The following SPEGNB variants were observed in gnomAD, a reference collection of about 807,000 sequenced individuals.
SPEGNB encodes the protein SPEG neighbor protein.
Under a neutral mutation model 18.3 loss-of-function variants are expected in SPEGNB, and 12 were observed. That is an observed-to-expected ratio of 0.65 (90% CI 0.42 to 1.06). SPEGNB has a LOEUF of 1.06. Ranked by LOEUF, SPEGNB falls within the 50% of genes least tolerant of loss-of-function variation. SPEGNB has a pLI of 0.00. For synonymous variants in SPEGNB, 113 were observed against 138.8 expected, an observed-to-expected ratio of 0.81 and a Z score of 1.31; for missense variants, 273 against 329.3, an observed-to-expected ratio of 0.83 and a Z score of 1.32.
Position 219,497,830 on chromosome 2 carries a change from AAGGACGGGG to A in SPEGNB, c.553_561del (p.Gly185_Asp187del). 1 of 1,304,254 alleles carries A rather than the reference AAGGACGGGG, an allele frequency of 7.7e-7. No homozygotes were observed. The highest frequency in any genetic ancestry group is 5.6e-5 in the East Asian group (1 of 18,008). The allele number at this position is 1,304,254 out of a possible 1,614,324, so 80.8% of individuals were successfully genotyped here. On this transcript the variant is annotated inframe_deletion, in exon 4 of 5. Transcript: ENST00000651166. ...GCCTGCGCCCGACGTAGGCTGGACC[AAGGACGGGG>A]AGGACATCGAGGAGGATGACAGGCG...
At chr2:219,497,587 C>CT in intron 3 of SPEGNB, 133 bp from the exon 4 acceptor site, 1 of 1,095,050 alleles carries the variant, frequency 9.1e-7, no homozygotes, top group Non-Finnish European at 1.2e-6. Flanking sequence ...ACCAGAGAGG[C>CT]TAATGATTTG....
Position 219,496,354 on chromosome 2 carries a change from G to A in SPEGNB, c.1-1G>A, listed in dbSNP as rs1265210145. The A allele has an allele frequency of 8.0e-7, 1 of 1,255,710 alleles. No homozygotes were observed. Among genetic ancestry groups the A allele is most frequent in the East Asian group, 5.8e-5 (1 of 17,148 alleles). 77.8% of individuals were successfully genotyped at this position (1,255,710 alleles called of 1,614,324 possible). A position where few individuals can be genotyped will look rare whatever the true frequency, so the allele number is the denominator to read the frequency against. Reference sequence around the variant, plus strand: ...CCCCATATTTGTCGCCCACTCCCCAGATGTCTAAAGCAGCTCCTGCCAAAA... The same window carrying A: ...CCCCATATTTGTCGCCCACTCCCCAAATGTCTAAAGCAGCTCCTGCCAAAA... On this transcript the variant is annotated splice_acceptor_variant, in intron 1 of 4. Transcript: ENST00000651166. LOFTEE classifies it low-confidence loss of function (5UTR_SPLICE).
intron 2 of SPEGNB, 59 bp downstream of exon 2, chr2:219,496,541 G>A (rs1694228102): frequency 8.4e-7 from 1 of 1,188,604 alleles, no homozygotes; most frequent in African/African-American, 1.6e-5. Context: ...GCACTCTTGA[G>A]TAGGGTTTGA....
chr2:219,496,846 G>A lies in SPEGNB; in HGVS notation c.166G>A (p.Val56Met). 4.0e-6 allele frequency: 5 copies of A among 1,261,654 alleles called. No homozygotes were observed. The highest frequency in any genetic ancestry group is 5.2e-6 in the Non-Finnish European group (5 of 961,360). The allele number at this position is 1,261,654 out of a possible 1,614,324, so 78.2% of individuals were successfully genotyped here. ...KELREKGPPR[V>M]LEPLKDVVLI... ...GCTGCGCGAGAAGGGGCCGCCGCGG[G>A]TGCTGGAGCCGCTGAAGGACGTGGT... The change falls in exon 3 of 5, where the codon GTG becomes ATG. Residue 56 changes from valine to methionine, a missense_variant. Transcript: ENST00000651166.
rs983840843 is a variant in SPEGNB at position 219,497,671 on chromosome 2, C to A, written c.437-49C>A. On this transcript the variant is annotated intron_variant, in intron 3 of 4. Coordinates refer to ENST00000651166, the MANE Select transcript of SPEGNB (RefSeq NM_001286811.2). ...ATTAGCCGGTGAGGTGATGCCCTGCCTCATCTCCGGGTCCTTCACGGGGTT... is the reference window on the plus strand; with the variant it reads ...ATTAGCCGGTGAGGTGATGCCCTGCATCATCTCCGGGTCCTTCACGGGGTT... The A allele has an allele frequency of 7.7e-6, 10 of 1,291,172 alleles. No individual in the cohort carries two copies. The African/African-American group carries it at 1.2e-4, about 16-fold the overall frequency. 80.0% of individuals were successfully genotyped at this position (1,291,172 alleles called of 1,614,324 possible).
In SPEGNB at chr2:219,497,643, G is replaced by C. The variant is rs1298786413; in HGVS notation, c.437-77G>C. The C allele has an allele frequency of 2.4e-6, 3 of 1,258,046 alleles. No individual in the cohort carries two copies. The Admixed American group carries it at 8.1e-5, about 34-fold the overall frequency. The allele number at this position is 1,258,046 out of a possible 1,614,324, so 77.9% of individuals were successfully genotyped here. A position where few individuals can be genotyped will look rare whatever the true frequency, so the allele number is the denominator to read the frequency against. On this transcript the variant is annotated intron_variant, in intron 3 of 4. Transcript: ENST00000651166. ...TTAAATGCATCTGTATTTAGTGCCG[G>C]GTATTAGCCGGTGAGGTGATGCCCT...
At chr2:219,496,277 C>A in intron 1 of SPEGNB, 60 bp downstream of exon 1, 1 of 1,113,012 alleles carries the variant, frequency 9.0e-7, no homozygotes, top group Non-Finnish European at 1.1e-6. Context: ...CCTGAATGTT[C>A]TGACCAGGGA....
intron 4 of SPEGNB, 86 bp from the exon 5 acceptor site, chr2:219,497,965 G>A (rs373054608): frequency 7.8e-7 from 1 of 1,275,706 alleles, no homozygotes. Flanking sequence ...ACTGGGCAGC[G>A]AGGAACAGAG....
intron 3 of SPEGNB, 113 bp downstream of exon 3, chr2:219,497,229 C>A (rs1694245899): frequency 1.2e-6 from 1 of 849,200 alleles, no homozygotes; most frequent in Non-Finnish European, 1.5e-6. Flanking sequence ...AGGGTCCCCG[C>A]CAGCCCAGCT....
In SPEGNB at chr2:219,497,817, C is replaced by G; in HGVS notation, c.534C>G (p.Asp178Glu). The G allele has an allele frequency of 7.7e-7, 1 of 1,304,296 alleles. No homozygotes were observed. Among genetic ancestry groups the G allele is most frequent in the Non-Finnish European group, 1.0e-6 (1 of 988,962 alleles). 80.8% of individuals were successfully genotyped at this position (1,304,296 alleles called of 1,614,324 possible). A position where few individuals can be genotyped will look rare whatever the true frequency, so the allele number is the denominator to read the frequency against. ...TAEILGEPAPDVGWTKDGEDI... is the reference protein window; with the variant it reads ...TAEILGEPAPEVGWTKDGEDI... The stretch of plus-strand genomic sequence containing the variant: ...AGATCCTGGGAGAGCCTGCGCCCGA[C>G]GTAGGCTGGACCAAGGACGGGGAGG... The change falls in exon 4 of 5, where the codon GAC becomes GAG. Residue 178 changes from aspartate (D) to glutamate (E), a missense_variant. Transcript: ENST00000651166.
chr2:219,498,101 C>T lies in SPEGNB; in HGVS notation c.629C>T (p.Ala210Val). The T allele has an allele frequency of 7.7e-7, 1 of 1,304,256 alleles. No homozygotes were observed. Among genetic ancestry groups the T allele is most frequent in the Non-Finnish European group, 1.0e-6 (1 of 988,932 alleles). The allele number at this position is 1,304,256 out of a possible 1,614,324, so 80.8% of individuals were successfully genotyped here. A position where few individuals can be genotyped will look rare whatever the true frequency, so the allele number is the denominator to read the frequency against. Residue 210 changes from alanine to valine, a missense_variant, in exon 5 of 5, where the codon GCC becomes GTC. Transcript: ENST00000651166. ...STTTTLTIRR[A>V]TPQDSGKYEV... Reference sequence around the variant, plus strand: ...ACCACGACGCTGACCATTCGCCGGGCCACGCCTCAGGACAGCGGCAAGTAC... The same window carrying T: ...ACCACGACGCTGACCATTCGCCGGGTCACGCCTCAGGACAGCGGCAAGTAC...
rs1575216845 is a variant in SPEGNB at position 219,497,879 on chromosome 2, C to A, written c.578+18C>A. 9 of 1,302,806 alleles carry A rather than the reference C, an allele frequency of 6.9e-6. No individual in the cohort carries two copies. Among genetic ancestry groups the A allele is most frequent in the African/African-American group, 1.5e-5 (1 of 65,910 alleles). 80.7% of individuals were successfully genotyped at this position (1,302,806 alleles called of 1,614,324 possible). Reference sequence around the variant, plus strand: ...GATGACAGGCGAGGGCCGGGACCTGCGGCACGGCCAGGGCCTGGGGCTGGA... The same window carrying A: ...GATGACAGGCGAGGGCCGGGACCTGAGGCACGGCCAGGGCCTGGGGCTGGA... On this transcript the variant is annotated intron_variant, in intron 4 of 4. Coordinates refer to ENST00000651166, the MANE Select transcript of SPEGNB (RefSeq NM_001286811.2).
In SPEGNB at chr2:219,497,007, G is replaced by C; in HGVS notation, c.327G>C (p.Val109=). 5.4e-6 allele frequency: 7 copies of C among 1,301,686 alleles called. No homozygotes were observed. The highest frequency in any genetic ancestry group is 7.1e-6 in the Non-Finnish European group (7 of 986,888). 80.6% of individuals were successfully genotyped at this position (1,301,686 alleles called of 1,614,324 possible). Residue 109 remains valine, a synonymous_variant, in exon 3 of 5, where the codon GTG becomes GTC. Coordinates refer to ENST00000651166, the MANE Select transcript of SPEGNB (RefSeq NM_001286811.2). ...GCTACGTCTTCGAGGACCCTGACGT[G>C]GTGGCACTGGTGGTGCGCGACGGCG... ...KYRYVFEDPD[V]VALVVRDGEL... is the part of the protein sequence containing the mutation.
chr2:219,498,213 C>T lies in SPEGNB; in HGVS notation c.*24C>T. 1 of 1,294,560 alleles carries T rather than the reference C, an allele frequency of 7.7e-7. No individual in the cohort carries two copies. The highest frequency in any genetic ancestry group is 1.0e-6 in the Non-Finnish European group (1 of 984,464). 80.2% of individuals were successfully genotyped at this position (1,294,560 alleles called of 1,614,324 possible). ...GAACGGCACCCCCGGACCTTCCGCC[C>T]TGGCGCCGAGCCCGGGGGTGGTGGG... is the stretch of plus-strand genomic sequence containing the variant. On this transcript the variant is annotated 3_prime_UTR_variant, in exon 5 of 5. Transcript: ENST00000651166.
chr2:219,496,902 T>C lies in SPEGNB; in HGVS notation c.222T>C (p.Thr74=). 1 of 1,298,734 alleles carries C rather than the reference T, an allele frequency of 7.7e-7. No homozygotes were observed. The highest frequency in any genetic ancestry group is 1.0e-6 in the Non-Finnish European group (1 of 984,728). The allele number at this position is 1,298,734 out of a possible 1,614,324, so 80.5% of individuals were successfully genotyped here. A position where few individuals can be genotyped will look rare whatever the true frequency, so the allele number is the denominator to read the frequency against. The stretch of plus-strand genomic sequence containing the variant: ...TCGAAGGCAGCGCGGCCAAGCTCAC[T>C]TGCCGCATTTCGGCTTTCCCGGACC... ...VLIEGSAAKL[T]CRISAFPDPF... The change falls in exon 3 of 5, where the codon ACT becomes ACC. Residue 74 remains threonine (T), a synonymous_variant. Transcript: ENST00000651166.
In SPEGNB at chr2:219,498,153, C is replaced by T; in HGVS notation, c.681C>T (p.Gly227=). 2 of 1,304,324 alleles carry T rather than the reference C, an allele frequency of 1.5e-6. No individual in the cohort carries two copies. The highest frequency in any genetic ancestry group is 1.2e-5 in the South Asian group (1 of 81,036). The allele number at this position is 1,304,324 out of a possible 1,614,324, so 80.8% of individuals were successfully genotyped here. A position where few individuals can be genotyped will look rare whatever the true frequency, so the allele number is the denominator to read the frequency against. Residue 227 remains glycine, a synonymous_variant, in exon 5 of 5, where the codon GGC becomes GGT. Coordinates refer to ENST00000651166, the MANE Select transcript of SPEGNB (RefSeq NM_001286811.2). ...KYEVYVENSL[G]MDQSFARVDV... is the part of the protein sequence containing the mutation. The stretch of plus-strand genomic sequence containing the variant: ...AGGTGTACGTGGAGAACAGCCTGGG[C>T]ATGGACCAGAGCTTCGCTCGCGTCG...
rs1177385658 is a variant in SPEGNB, at chr2:219,496,220, G to A, written c.-1+3G>A. On this transcript the variant is annotated splice_donor_region_variant and intron_variant, in intron 1 of 4. Coordinates refer to ENST00000651166, the MANE Select transcript of SPEGNB (RefSeq NM_001286811.2). ...GTCCCTAGGTCAACCCCTCCACGGTGAGTCTGATCCTCAGAGAAGCCGCAG... is the reference window on the plus strand; with the variant it reads ...GTCCCTAGGTCAACCCCTCCACGGTAAGTCTGATCCTCAGAGAAGCCGCAG... 2.4e-6 allele frequency: 2 copies of A among 824,430 alleles called. No homozygotes were observed. The highest frequency in any genetic ancestry group is 3.2e-6 in the Non-Finnish European group (2 of 628,052). 51.1% of individuals were successfully genotyped at this position (824,430 alleles called of 1,614,324 possible). A position where few individuals can be genotyped will look rare whatever the true frequency, so the allele number is the denominator to read the frequency against.
Position 219,497,841 on chromosome 2 carries a change from G to A in SPEGNB, c.558G>A (p.Glu186=). 7.7e-7 allele frequency: 1 copy of A among 1,304,238 alleles called. No individual in the cohort carries two copies. The highest frequency in any genetic ancestry group is 1.2e-5 in the South Asian group (1 of 81,016). 80.8% of individuals were successfully genotyped at this position (1,304,238 alleles called of 1,614,324 possible). A position where few individuals can be genotyped will look rare whatever the true frequency, so the allele number is the denominator to read the frequency against. ...APDVGWTKDG[E]DIEEDDRVFF... is the part of the protein sequence containing the mutation. ...ACGTAGGCTGGACCAAGGACGGGGA[G>A]GACATCGAGGAGGATGACAGGCGAG... Residue 186 remains glutamate (E), a synonymous_variant, in exon 4 of 5, where the codon GAG becomes GAA. Coordinates refer to ENST00000651166, the MANE Select transcript of SPEGNB (RefSeq NM_001286811.2).
At position 219,498,274 on chromosome 2, in the gene SPEGNB, G is replaced by C. The variant is rs1212047028; in HGVS notation, c.*85G>C. On this transcript the variant is annotated 3_prime_UTR_variant, in exon 5 of 5. Transcript: ENST00000651166. ...CTCCACCAGCTTGCTTAATAAAGCT[G>C]CTCTCTGACCCTCCGCGTCTGTCCT... 7 of 1,202,958 alleles carry C rather than the reference G, an allele frequency of 5.8e-6. No individual in the cohort carries two copies. The highest frequency in any genetic ancestry group is 6.5e-6 in the Non-Finnish European group (6 of 926,956). The allele number at this position is 1,202,958 out of a possible 1,614,324, so 74.5% of individuals were successfully genotyped here.
Sources: gnomAD v4.1 joint callset for allele counts on GRCh38, gnomAD v4.1.1 for gene constraint, MANE v1.5 for transcripts, NCBI Gene and HGNC (gene_info 2026-07-23, HGNC 2026-07-21) for gene names.